ENOX1: variants seen among roughly 807,000 people sequenced by gnomAD.
The protein encoded by ENOX1 is ecto-NOX disulfide-thiol exchanger 1, also known as candidate growth-related and time keeping constitutive hydroquinone (NADH) oxidase.
In ENOX1, 42 loss-of-function variants were observed where a neutral mutation model predicts 82.5. That is an observed-to-expected ratio of 0.51 (90% CI 0.40 to 0.66). The LOEUF (loss-of-function observed/expected upper bound fraction) is 0.66, where lower values mean the gene tolerates loss of function less well. Among genes scored for constraint, ENOX1 ranks in the 30% least tolerant of loss-of-function variants. The pLI is 0.00. For missense variants in ENOX1, 608 were observed against 811.6 expected (o/e 0.75, Z 3.05); for synonymous variants, 271 against 282.2 (o/e 0.96, Z 0.40).
intron 16 of ENOX1, among the ~76,000 whole-genome samples, chr13:43,222,522 T>C (rs1426760086): frequency 6.6e-6 from 1 of 152,226 alleles, no homozygotes; most frequent in African/African-American, 2.4e-5. Context: ...TTGGCCATTT[T>C]AGCTCCTACT....
intron 5 of ENOX1, among the ~76,000 whole-genome samples, chr13:43,387,223 G>A (rs976032275): frequency 7.9e-5 from 12 of 152,192 alleles, no homozygotes; most frequent in African/African-American, 2.9e-4. Context: ...TGTGCTAAGT[G>A]CCATTTACAG....
At chr13:43,540,178 C>T (rs945047946) in intron 2 of ENOX1, among the ~76,000 whole-genome samples, 3 of 152,172 alleles carry the variant, frequency 2.0e-5, no homozygotes, top group African/African-American at 4.8e-5. Flanking sequence ...TTTAAGTCTA[C>T]CATCTTAGCA....
intron 1 of ENOX1, among the ~76,000 whole-genome samples, chr13:43,673,465 A>G (rs2085363209): frequency 6.6e-6 from 1 of 152,214 alleles, no homozygotes; most frequent in Admixed American, 6.5e-5. Flanking sequence ...GTTTACAAGG[A>G]TAAAGCAATT....
In ENOX1 at chr13:43,550,223, G is replaced by C. The variant is rs2079134684; in HGVS notation, c.-218-66071C>G. Reference sequence around the variant, plus strand: ...AGGCCACAAACTGGTATTGGTTTATGACCTGGGTGTTGGGGACCCCTGCTC... The same window carrying C: ...AGGCCACAAACTGGTATTGGTTTATCACCTGGGTGTTGGGGACCCCTGCTC... On this transcript the variant is annotated intron_variant, in intron 2 of 16. Transcript: ENST00000690772. Among the ~76,000 whole-genome samples the C allele has an allele frequency of 2.6e-5, 4 of 152,314 alleles. No individual in the cohort carries two copies. In the Middle Eastern group the frequency reaches 0.01, roughly 389 times the overall value.
chr13:43,542,959 T>C (rs953488968), intron 2 of ENOX1, among the ~76,000 whole-genome samples: 3 of 152,140 alleles, frequency 2.0e-5, no homozygotes, highest in Non-Finnish European at 4.4e-5. Flanking sequence ...CTTGTCTCCT[T>C]GATGAGGGCT....
At chr13:43,612,877 C>T (rs1354647127) in intron 2 of ENOX1, among the ~76,000 whole-genome samples, 1 of 152,120 alleles carries the variant, frequency 6.6e-6, no homozygotes, top group East Asian at 1.9e-4. Flanking sequence ...ATCATATCAA[C>T]AAAATGTATT....
rs1413546327 is a variant in ENOX1 at position 43,374,707 on chromosome 13, T to C, written c.209-13255A>G. 2.6e-5 allele frequency among the ~76,000 whole-genome samples: 4 copies of C among 152,240 alleles called. No homozygotes were observed. The East Asian group carries it at 7.7e-4, about 29-fold the overall frequency. On this transcript the variant is annotated intron_variant, in intron 5 of 16. Coordinates refer to ENST00000690772, the MANE Select transcript of ENOX1 (RefSeq NM_001347969.2). ...GTGCTATGTTTTCAAAATCCTTTTT[T>C]AGTCATTTAAAAAGCTGGTCCTCAT...
chr13:43,290,382 T>C (rs1026243819), intron 12 of ENOX1, among the ~76,000 whole-genome samples: 4 of 148,318 alleles, frequency 2.7e-5, no homozygotes, highest in African/African-American at 4.9e-5. Flanking sequence ...TATATATATA[T>C]ATACACACAC....
At chr13:43,545,941 T>C (rs2078955636) in intron 2 of ENOX1, 2 of 152,254 alleles carry the variant, frequency 1.3e-5, no homozygotes, top group Non-Finnish European at 2.9e-5. Context: ...TTTCGATAGG[T>C]TGGCATTTTC....
At chr13:43,705,305 A>ACT (rs33978402) in intron 1 of ENOX1, among the ~76,000 whole-genome samples, 2,048 of 132,600 alleles carry the variant, frequency 0.015, 17 homozygotes, top group Middle Eastern at 0.032. Flanking sequence ...ACAAACAACA[A>ACT]CTCTCTCTCT....
At chr13:43,688,904 G>T (rs2086214576) in intron 1 of ENOX1, among the ~76,000 whole-genome samples, 1 of 152,148 alleles carries the variant, frequency 6.6e-6, no homozygotes, top group African/African-American at 2.4e-5. Context: ...TGGGCTCTAG[G>T]TAAGTTGTTT....
intron 5 of ENOX1, among the ~76,000 whole-genome samples, chr13:43,399,841 G>A (rs1394916454): frequency 6.6e-6 from 1 of 152,088 alleles, no homozygotes; most frequent in Non-Finnish European, 1.5e-5. Context: ...ACATACTGCT[G>A]TAATAGGCTA....
intron 3 of ENOX1, among the ~76,000 whole-genome samples, chr13:43,448,035 TA>T (rs2056754807): frequency 6.6e-6 from 1 of 152,212 alleles, no homozygotes. Context: ...AAGACAGTAA[TA>T]TTTATTGAAA....
At chr13:43,739,189 C>A (rs1005597923) in intron 1 of ENOX1, among the ~76,000 whole-genome samples, 6 of 152,154 alleles carry the variant, frequency 3.9e-5, no homozygotes, top group African/African-American at 1.4e-4. Flanking sequence ...TGGGGACATA[C>A]TGGTGAACAA....
intron 2 of ENOX1, among the ~76,000 whole-genome samples, chr13:43,642,183 G>A (rs914982146): frequency 6.6e-6 from 1 of 152,132 alleles, no homozygotes; most frequent in African/African-American, 2.4e-5. Context: ...CCTATAAGTA[G>A]TTCTTTAAAA....
intron 2 of ENOX1, among the ~76,000 whole-genome samples, chr13:43,569,846 G>A (rs1451273994): frequency 6.6e-6 from 1 of 151,950 alleles, no homozygotes; most frequent in Non-Finnish European, 1.5e-5. Flanking sequence ...ACTCTGACTT[G>A]GTTTTGAAAA....
chr13:43,621,942 T>C (rs1594140270), intron 2 of ENOX1, among the ~76,000 whole-genome samples: 2 of 152,280 alleles, frequency 1.3e-5, no homozygotes, highest in East Asian at 3.9e-4. Context: ...GATGCTCTGT[T>C]CCTATTTTCT....
At chr13:43,666,065 T>C (rs998249148) in intron 2 of ENOX1, among the ~76,000 whole-genome samples, 1 of 151,904 alleles carries the variant, frequency 6.6e-6, no homozygotes, top group Non-Finnish European at 1.5e-5. Flanking sequence ...AATTGTGCAA[T>C]AGCATTATAT....
Position 43,470,307 on chromosome 13 carries a change from C to CGTATATATATATGT in ENOX1, c.-75+13701_-75+13702insACATATATATATAC, listed in dbSNP as rs1555289835. ...ACATATATATATACACATATATATA[C>CGTATATATATATGT]ATATATATACACATATATATATGTA... On this transcript the variant is annotated intron_variant, in intron 3 of 16. Transcript: ENST00000690772. Among the ~76,000 whole-genome samples the CGTATATATATATGT allele has an allele frequency of 1.9e-4, 8 of 42,478 alleles. No homozygotes were observed. In the South Asian group the frequency reaches 4.8e-3, roughly 26 times the overall value. 27.9% of individuals were successfully genotyped at this position (42,478 alleles called of 152,430 possible).
Sources: allele counts gnomAD v4.1 joint callset (sites outside exome capture counted in the v4.1 genomes callset), GRCh38; gene constraint gnomAD v4.1.1; transcripts MANE v1.5; gene names NCBI Gene and HGNC (gene_info 2026-07-23, HGNC 2026-07-21).